The following EFHB variants were observed in gnomAD, a reference collection of about 807,000 sequenced individuals.
EFHB encodes the protein EF-hand domain family member B.
EFHB carries 91 observed loss-of-function variants against 87.2 expected under a neutral mutation model. That is an observed-to-expected ratio of 1.04 (90% CI 0.88 to 1.24). The LOEUF (loss-of-function observed/expected upper bound fraction) is 1.24, where lower values mean the gene tolerates loss of function less well. Among genes scored for constraint, EFHB ranks in the 50% most tolerant of loss-of-function variants. The pLI, the probability that EFHB is intolerant of heterozygous loss-of-function variation, is 0.00. For synonymous variants in EFHB, 325 were observed against 333.6 expected (o/e 0.97, Z 0.28); for missense variants, 1,084 against 998.8 (o/e 1.09, Z -1.15).
At chr3:19,923,951 G>A (rs1559469862) in intron 1 of EFHB, among the ~76,000 whole-genome samples, 1 of 152,050 alleles carries the variant, frequency 6.6e-6, no homozygotes. Flanking sequence ...GTACTGATGA[G>A]CTGGGCATGG....
chr3:19,894,022 T>C (rs987950117), intron 9 of EFHB, among the ~76,000 whole-genome samples: 1 of 152,184 alleles, frequency 6.6e-6, no homozygotes, highest in Non-Finnish European at 1.5e-5. Flanking sequence ...GACAATTAAT[T>C]AAAAGAGAAA....
intron 9 of EFHB, among the ~76,000 whole-genome samples, chr3:19,892,903 G>T (rs11925668): frequency 1.1e-5 from 1 of 87,120 alleles, no homozygotes; most frequent in Non-Finnish European, 2.4e-5. Flanking sequence ...AAATCAGTAT[G>T]TTCCATCCCA....
Position 19,879,510 on chromosome 3 carries a change from A to C in EFHB, c.*121T>G. Reference sequence around the variant, plus strand: ...AATCTAATTTATTAGCAACACATACAGGCATATGAGTCTTACCACTGTGAA... The same window carrying C: ...AATCTAATTTATTAGCAACACATACCGGCATATGAGTCTTACCACTGTGAA... On this transcript the variant is annotated 3_prime_UTR_variant, in exon 13 of 13. Coordinates refer to ENST00000295824, the MANE Select transcript of EFHB (RefSeq NM_144715.4). The C allele has an allele frequency of 9.8e-7, 1 of 1,019,868 alleles. No individual in the cohort carries two copies. Among genetic ancestry groups the C allele is most frequent in the Non-Finnish European group, 1.4e-6 (1 of 730,376 alleles). The allele number at this position is 1,019,868 out of a possible 1,614,324, so 63.2% of individuals were successfully genotyped here.
intron 1 of EFHB, among the ~76,000 whole-genome samples, chr3:19,921,327 T>G (rs1274126839): frequency 6.6e-6 from 1 of 152,066 alleles, no homozygotes; most frequent in Non-Finnish European, 1.5e-5. Flanking sequence ...GAGACTGTCT[T>G]GCTGACATCT....
intron 11 of EFHB, among the ~76,000 whole-genome samples, chr3:19,884,193 A>C (rs192945293): frequency 2.6e-4 from 39 of 152,312 alleles, no homozygotes; most frequent in African/African-American, 9.4e-4. Flanking sequence ...TAATATATAA[A>C]GAATCATTTT....
chr3:19,935,478 G>A (rs184184956), upstream of EFHB, among the ~76,000 whole-genome samples: 906 of 152,106 alleles, frequency 6.0e-3, 7 homozygotes, highest in African/African-American at 0.021. Flanking sequence ...TTGGGAGGCC[G>A]AGGCAGGCAG....
At chr3:19,906,343 C>T (rs1218385131) in intron 5 of EFHB, among the ~76,000 whole-genome samples, 7 of 151,960 alleles carry the variant, frequency 4.6e-5, no homozygotes, top group African/African-American at 1.7e-4. Flanking sequence ...AACAAAAGAA[C>T]TAATAAGTGA....
chr3:19,881,819 A>G (rs1379212519), intron 12 of EFHB, among the ~76,000 whole-genome samples: 1 of 152,064 alleles, frequency 6.6e-6, no homozygotes, highest in African/African-American at 2.4e-5. Context: ...GGTTCTGAAG[A>G]AGCAAGTACT....
intron 6 of EFHB, among the ~76,000 whole-genome samples, chr3:19,900,656 C>T (rs1270868183): frequency 6.6e-6 from 1 of 151,984 alleles, no homozygotes; most frequent in Non-Finnish European, 1.5e-5. Context: ...AGCCTGGGCA[C>T]GGTGGCTCAT....
At chr3:19,891,464 GC>G (rs1182098332) in intron 9 of EFHB, among the ~76,000 whole-genome samples, 21 of 152,272 alleles carry the variant, frequency 1.4e-4, no homozygotes, top group African/African-American at 4.3e-4. Flanking sequence ...AAATGCCTGG[GC>G]CTGTTTCACT....
intron 1 of EFHB, among the ~76,000 whole-genome samples, chr3:19,943,989 G>A (rs1288281390): frequency 3.3e-5 from 5 of 152,202 alleles, no homozygotes; most frequent in African/African-American, 4.8e-5. Flanking sequence ...GGGCTTAGAA[G>A]TCCCTTAGGT....
intron 1 of EFHB, among the ~76,000 whole-genome samples, chr3:19,930,254 T>C (rs1003278480): frequency 6.6e-6 from 1 of 152,324 alleles, no homozygotes; most frequent in South Asian, 2.1e-4. Context: ...TATTTTAACA[T>C]CTTAAAAATT....
chr3:19,907,148 T>C (rs778669849), intron 5 of EFHB, among the ~76,000 whole-genome samples: 5 of 151,126 alleles, frequency 3.3e-5, no homozygotes, highest in Non-Finnish European at 5.9e-5. Context: ...ATGTCTTAGA[T>C]ACAAAAGCTC....
At chr3:19,909,211 C>T (rs917313861) in intron 5 of EFHB, among the ~76,000 whole-genome samples, 5 of 151,624 alleles carry the variant, frequency 3.3e-5, no homozygotes, top group African/African-American at 1.2e-4. Context: ...CCCTCCCCAA[C>T]CCCGGCAGCA....
chr3:19,907,982 G>T (rs1694895147), intron 5 of EFHB, among the ~76,000 whole-genome samples: 1 of 152,168 alleles, frequency 6.6e-6, no homozygotes, highest in Non-Finnish European at 1.5e-5. Context: ...AGTAATTTGA[G>T]CTGACAGTTT....
At chr3:19,904,123 G>A (rs1015910374) in intron 6 of EFHB, among the ~76,000 whole-genome samples, 6 of 152,168 alleles carry the variant, frequency 3.9e-5, no homozygotes, top group Non-Finnish European at 8.8e-5. Flanking sequence ...TGGGCCTACG[G>A]AAACCTAGAG....
chr3:19,939,009 C>T (rs950582596), upstream of EFHB, among the ~76,000 whole-genome samples: 12 of 152,110 alleles, frequency 7.9e-5, no homozygotes, highest in South Asian at 1.0e-3. Flanking sequence ...AGGGCTCAAG[C>T]GATTCTCCTG....
chr3:19,936,900 T>G (rs186250243), upstream of EFHB, among the ~76,000 whole-genome samples: 4 of 143,974 alleles, frequency 2.8e-5, no homozygotes, highest in Non-Finnish European at 4.5e-5. Context: ...AATAAATAAA[T>G]AAATAAATAA....
chr3:19,883,517 C>G (rs552570778), intron 11 of EFHB, among the ~76,000 whole-genome samples: 12 of 152,226 alleles, frequency 7.9e-5, no homozygotes, highest in African/African-American at 2.9e-4. Context: ...TTCTATATCA[C>G]CAATATTCAT....
Sources: allele counts gnomAD v4.1 joint callset (sites outside exome capture counted in the v4.1 genomes callset), GRCh38; gene constraint gnomAD v4.1.1; transcripts MANE v1.5; gene names NCBI Gene and HGNC (gene_info 2026-07-23, HGNC 2026-07-21).